Variants in CCDC146 observed in about 807,000 individuals in gnomAD.
CCDC146 encodes the protein coiled-coil domain containing 146.
CCDC146 carries 92 observed loss-of-function variants against 119.3 expected under a neutral mutation model. The observed-to-expected ratio is 0.77, with a 90% CI of 0.65 to 0.92. The LOEUF is 0.92. CCDC146 is among the 40% of genes least tolerant of loss of function. The pLI, the probability that CCDC146 is intolerant of heterozygous loss-of-function variation, is 0.00. For missense variants in CCDC146, 1,000 were observed against 1,103.0 expected (o/e 0.91, Z 1.32); for synonymous variants, 372 against 371.8 (o/e 1.00, Z -0.01).
At chr7:77,130,477 A>G (rs1161374090) in intron 1 of CCDC146, among the ~76,000 whole-genome samples, 1 of 152,144 alleles carries the variant, frequency 6.6e-6, no homozygotes, top group East Asian at 1.9e-4. Context: ...TGAAGGCATG[A>G]CAGAACTTGT....
Position 77,274,609 on chromosome 7 carries a change from T to C in CCDC146, c.1397T>C (p.Ile466Thr), listed in dbSNP as rs58545343. 13,774 of 1,611,674 alleles carry C rather than the reference T, an allele frequency of 8.5e-3. 414 individuals are homozygous for C. The African/African-American group carries it at 0.093, about 11-fold the overall frequency. Residue 466 changes from isoleucine (I) to threonine (T), a missense_variant, in exon 11 of 19, where the codon ATT becomes ACT. By Grantham distance (89) the Ile-to-Thr change is moderately conservative (BLOSUM62 -1). This residue lies in a region of CCDC146 where 985 missense variants were observed against 1,045.3 expected (regional missense o/e 0.94). Transcript: ENST00000285871. Reference sequence around the variant, plus strand: ...CTTCTCCGCATGACTCAAATCAAAATTGATGAAAAGGAACAAAAGTCCAAG... The same window carrying C: ...CTTCTCCGCATGACTCAAATCAAAACTGATGAAAAGGAACAAAAGTCCAAG... ...VNLLRMTQIK[I>T]DEKEQKSKDF... is the part of the protein sequence containing the mutation.
intron 2 of CCDC146, among the ~76,000 whole-genome samples, chr7:77,236,655 A>C (rs936851165): frequency 6.6e-6 from 1 of 152,242 alleles, no homozygotes; most frequent in South Asian, 2.1e-4. Context: ...TAAACCTTGA[A>C]ATTTTTTTTA....
chr7:77,242,885 G>T (rs117092060), intron 4 of CCDC146, among the ~76,000 whole-genome samples: 2 of 151,564 alleles, frequency 1.3e-5, no homozygotes, highest in East Asian at 2.0e-4. Context: ...TTTCACTGGC[G>T]GTGGGTGGGG....
chr7:77,179,227 A>C (rs1413477729), intron 2 of CCDC146, among the ~76,000 whole-genome samples: 1 of 152,192 alleles, frequency 6.6e-6, no homozygotes, highest in Non-Finnish European at 1.5e-5. Flanking sequence ...ATAAAATTGT[A>C]ATAAAATTTA....
At chr7:77,216,474 G>T (rs1007811751) in intron 2 of CCDC146, among the ~76,000 whole-genome samples, 2 of 152,044 alleles carry the variant, frequency 1.3e-5, no homozygotes, top group Admixed American at 6.6e-5. Context: ...TTGTGACCTT[G>T]CTCAAGTTTC....
intron 2 of CCDC146, among the ~76,000 whole-genome samples, chr7:77,178,697 T>G (rs1791536974): frequency 6.6e-6 from 1 of 152,222 alleles, no homozygotes; most frequent in Admixed American, 6.5e-5. Context: ...AATAATGATC[T>G]AAACTTTGAT....
chr7:77,152,910 C>T (rs1791127368), intron 1 of CCDC146, among the ~76,000 whole-genome samples: 1 of 152,194 alleles, frequency 6.6e-6, no homozygotes, highest in African/African-American at 2.4e-5. Context: ...TCTGGGGAGA[C>T]ATGCATTGTC....
At position 77,231,746 on chromosome 7, in the gene CCDC146, A is replaced by T. The variant is rs1229444121; in HGVS notation, c.157-5201A>T. Among the ~76,000 whole-genome samples the T allele has an allele frequency of 2.0e-5, 3 of 151,356 alleles. No homozygotes were observed. The East Asian group carries it at 5.8e-4, about 29-fold the overall frequency. On this transcript the variant is annotated intron_variant, in intron 2 of 18. Coordinates refer to ENST00000285871, the MANE Select transcript of CCDC146 (RefSeq NM_020879.3). The stretch of plus-strand genomic sequence containing the variant: ...CTTTCATTCTTCAAACATATTTATA[A>T]TATTTTCTTTGAAGTCTTTGTTAAA...
chr7:77,289,019 G>A (rs763332147), intron 17 of CCDC146, among the ~76,000 whole-genome samples: 1 of 148,736 alleles, frequency 6.7e-6, no homozygotes, highest in Non-Finnish European at 1.5e-5. Context: ...TCCATGACTA[G>A]ACTGATCAGG....
chr7:77,240,045 C>T (rs1792814346), intron 3 of CCDC146, among the ~76,000 whole-genome samples: 1 of 152,086 alleles, frequency 6.6e-6, no homozygotes, highest in Non-Finnish European at 1.5e-5. Context: ...AATAAAGTGC[C>T]ATTAGAAAAG....
intron 4 of CCDC146, among the ~76,000 whole-genome samples, chr7:77,253,868 G>A (rs929698613): frequency 6.6e-6 from 1 of 152,220 alleles, no homozygotes; most frequent in African/African-American, 2.4e-5. Context: ...CCAGCTGGAG[G>A]GATCAGATAG....
intron 17 of CCDC146, among the ~76,000 whole-genome samples, chr7:77,290,222 C>G (rs1006788884): frequency 8.2e-6 from 1 of 122,554 alleles, no homozygotes; most frequent in African/African-American, 3.2e-5. Context: ...AGGGGAACAC[C>G]GGGGCCTGTC....
rs769386251 is a variant in CCDC146 at position 77,196,347 on chromosome 7, G to A, written c.156+28523G>A. 4.3e-6 allele frequency: 7 copies of A among 1,614,040 alleles called. No individual in the cohort carries two copies. The highest frequency in any genetic ancestry group is 5.9e-6 in the Non-Finnish European group (7 of 1,180,010). On this transcript the variant is annotated intron_variant, in intron 2 of 18. Coordinates refer to ENST00000285871, the MANE Select transcript of CCDC146 (RefSeq NM_020879.3). The surrounding 1 kb of genome is among the most constrained non-coding windows in gnomAD (Gnocchi z 4.2). ...TTGAAGGAGGACTTGTAGCCACCAG[G>A]GTGTGCCTCACTTACACCAGGCCAG...
intron 2 of CCDC146, chr7:77,195,732 C>G (rs1791854473): frequency 6.6e-6 from 1 of 152,656 alleles, no homozygotes; most frequent in Non-Finnish European, 1.5e-5. Context: ...TCTTGGCTCA[C>G]TGCAACCTCT....
At chr7:77,166,365 T>C (rs1241370123) in intron 1 of CCDC146, among the ~76,000 whole-genome samples, 1 of 152,050 alleles carries the variant, frequency 6.6e-6, no homozygotes, top group East Asian at 1.9e-4. Context: ...AATATTCTTA[T>C]AAACTTCAGT....
In CCDC146 at chr7:77,282,721, T is replaced by A; in HGVS notation, c.2084T>A (p.Val695Glu). The A allele has an allele frequency of 6.2e-7, 1 of 1,614,246 alleles. No homozygotes were observed. Among genetic ancestry groups the A allele is most frequent in the Non-Finnish European group, 8.5e-7 (1 of 1,180,030 alleles). The change falls in exon 15 of 19, where the codon GTG (valine) becomes GAG (glutamate). Residue 695 changes from valine (V) to glutamate (E), a missense_variant. Transcript: ENST00000285871. ...GCTGAGAAGCAAAGACAAATTTGTG[T>A]GACCCAGAAATTACTGCCAGCCAAG... is the stretch of plus-strand genomic sequence containing the variant. ...KIAEKQRQIC[V>E]TQKLLPAKRS...
intron 2 of CCDC146, among the ~76,000 whole-genome samples, chr7:77,233,906 C>CT (rs1562842105): frequency 3.0e-5 from 2 of 65,880 alleles, no homozygotes; most frequent in Admixed American, 2.0e-4. Context: ...AGTATTCTAT[C>CT]ATTTTTTTTT....
At chr7:77,132,785 T>G (rs1196423243) in intron 1 of CCDC146, among the ~76,000 whole-genome samples, 4 of 151,976 alleles carry the variant, frequency 2.6e-5, no homozygotes, top group Non-Finnish European at 5.9e-5. Flanking sequence ...CAAATAAAAT[T>G]AAGCAGTGTA....
chr7:77,159,592 C>T lies in CCDC146; in HGVS notation c.-11-8066C>T, dbSNP rs146281711. Among the ~76,000 whole-genome samples, 511 of 152,114 alleles carry T rather than the reference C, an allele frequency of 3.4e-3. 3 individuals are homozygous for T. Among genetic ancestry groups the T allele is most frequent in the African/African-American group, 0.012 (488 of 41,516 alleles). On this transcript the variant is annotated intron_variant, in intron 1 of 18. Coordinates refer to ENST00000285871, the MANE Select transcript of CCDC146 (RefSeq NM_020879.3). The stretch of plus-strand genomic sequence containing the variant: ...CTTTTGTAAATAGTGATGAAATGAA[C>T]GTGGGAGTGCCAATATCGCTTCGAG...
Sources: allele counts gnomAD v4.1 joint callset (sites outside exome capture counted in the v4.1 genomes callset), GRCh38; gene constraint gnomAD v4.1.1; regional missense constraint gnomAD v4.1.1; non-coding constraint Gnocchi (gnomAD v3.1); transcripts MANE v1.5; gene names NCBI Gene and HGNC (gene_info 2026-07-23, HGNC 2026-07-21).